ROBO2: variants seen among roughly 807,000 people sequenced by gnomAD.
ROBO2 encodes roundabout homolog 2.
Under a neutral mutation model 160.8 loss-of-function variants are expected in ROBO2, and 53 were observed. The ratio of observed to expected loss-of-function variants is 0.33; its 90% CI spans 0.26 to 0.41. The LOEUF (loss-of-function observed/expected upper bound fraction) is 0.41, where lower values mean the gene tolerates loss of function less well. Ranked by LOEUF, ROBO2 falls within the 10% of genes least tolerant of loss-of-function variation. The pLI, the probability that ROBO2 is intolerant of heterozygous loss-of-function variation, is 1.00. For missense variants in ROBO2, 1,577 were observed against 1,722.4 expected (o/e 0.92, Z 1.49); for synonymous variants, 664 against 611.7 (o/e 1.09, Z -1.26).
intron 2 of ROBO2, among the ~76,000 whole-genome samples, chr3:76,538,100 A>G (rs1358965395): frequency 6.6e-6 from 1 of 151,480 alleles, no homozygotes; most frequent in Non-Finnish European, 1.5e-5. Flanking sequence ...ATATGTGTGC[A>G]GGTCACAGGG....
chr3:77,479,903 C>T (rs1019798479), intron 3 of ROBO2, among the ~76,000 whole-genome samples: 4 of 152,070 alleles, frequency 2.6e-5, no homozygotes, highest in African/African-American at 9.7e-5. Flanking sequence ...AGTTCCAACT[C>T]AGCAAGAGAA....
At chr3:77,176,206 C>G (rs1205890873) in intron 2 of ROBO2, among the ~76,000 whole-genome samples, 1 of 151,598 alleles carries the variant, frequency 6.6e-6, no homozygotes, top group East Asian at 1.9e-4. Flanking sequence ...TACTTCAGAG[C>G]TAATTGAGAA....
Position 76,011,965 on chromosome 3 carries a change from C to T in ROBO2, c.109+74363C>T, listed in dbSNP as rs552893902. 2.8e-4 allele frequency among the ~76,000 whole-genome samples: 42 copies of T among 152,298 alleles called. No homozygotes were observed. The South Asian group carries it at 7.0e-3, about 26-fold the overall frequency. ...ATGCAATCACCTCACCAGTTCTCTT[C>T]TGAGGAAACAGTTTTAGACAGATTC... On this transcript the variant is annotated intron_variant, in intron 2 of 26. Transcript: ENST00000487694.
At chr3:77,636,879 A>C (rs1005691308) in intron 24 of ROBO2, among the ~76,000 whole-genome samples, 13 of 152,218 alleles carry the variant, frequency 8.5e-5, no homozygotes, top group African/African-American at 2.7e-4. Context: ...TTTTAATTTA[A>C]TTCTTATAAC....
At chr3:77,004,850 A>G (rs2061499807) in intron 2 of ROBO2, among the ~76,000 whole-genome samples, 1 of 152,124 alleles carries the variant, frequency 6.6e-6, no homozygotes, top group South Asian at 2.1e-4. Flanking sequence ...TGCAGTCCCC[A>G]TCTTAGACAT....
intron 2 of ROBO2, among the ~76,000 whole-genome samples, chr3:76,888,495 G>T (rs944523753): frequency 1.3e-5 from 2 of 152,096 alleles, no homozygotes; most frequent in East Asian, 1.9e-4. Context: ...TGCCCATATT[G>T]TACCCGTAAT....
chr3:76,260,187 G>A (rs1706655546), intron 2 of ROBO2, among the ~76,000 whole-genome samples: 1 of 152,126 alleles, frequency 6.6e-6, no homozygotes, highest in Admixed American at 6.6e-5. Context: ...GAATCCCAGT[G>A]CTGATATGCG....
chr3:76,380,716 C>T (rs970591620), intron 2 of ROBO2, among the ~76,000 whole-genome samples: 6 of 150,570 alleles, frequency 4.0e-5, no homozygotes, highest in East Asian at 1.9e-4. Context: ...GAAAGTCAAA[C>T]GTTATATGTG....
At chr3:75,913,837 TAGAC>T (rs912189906) in intron 1 of ROBO2, among the ~76,000 whole-genome samples, 3 of 152,212 alleles carry the variant, frequency 2.0e-5, no homozygotes, top group East Asian at 1.9e-4. Context: ...AAAGGGATGT[TAGAC>T]AGTAGTTCCA....
At chr3:76,822,518 A>G (rs902175216) in intron 2 of ROBO2, among the ~76,000 whole-genome samples, 20 of 152,022 alleles carry the variant, frequency 1.3e-4, no homozygotes, top group Admixed American at 1.1e-3. Flanking sequence ...ACATTTGTTG[A>G]TAATTTACTA....
rs76567291 is a variant in ROBO2 at position 77,383,943 on chromosome 3, T to C, written c.389-93471T>C. On this transcript the variant is annotated intron_variant, in intron 2 of 25. Transcript: ENST00000461745. The stretch of plus-strand genomic sequence containing the variant: ...GTATGTGTTTAAGGAGGGAAGAGAT[T>C]GTAGTTAGAATACTTAACTAAATGA... Among the ~76,000 whole-genome samples, 193 of 152,266 alleles carry C rather than the reference T, an allele frequency of 1.3e-3. 3 individuals carry two copies. The East Asian group carries it at 0.031, about 25-fold the overall frequency.
chr3:76,463,835 A>G (rs2078224618), intron 2 of ROBO2, among the ~76,000 whole-genome samples: 2 of 152,220 alleles, frequency 1.3e-5, no homozygotes, highest in Non-Finnish European at 2.9e-5. Flanking sequence ...CGAGCTCAAC[A>G]GAAAGTCTTT....
chr3:75,985,755 T>C (rs1054913526), intron 2 of ROBO2, among the ~76,000 whole-genome samples: 1 of 151,660 alleles, frequency 6.6e-6, no homozygotes, highest in Admixed American at 6.6e-5. Flanking sequence ...TTTTCGTCTG[T>C]GATTTTGACT....
rs527858738 is a variant in ROBO2, at chr3:76,219,039, C to T, written c.109+281437C>T. On this transcript the variant is annotated intron_variant, in intron 2 of 26. Transcript: ENST00000487694. ...CTACAACTATCTGGTCTTTGACAAA[C>T]TTGAGAAAAACAAGCAATGGGGAAA... is the stretch of plus-strand genomic sequence containing the variant. Among the ~76,000 whole-genome samples, 545 of 152,274 alleles carry T rather than the reference C, an allele frequency of 3.6e-3. 3 individuals are homozygous for T. Among genetic ancestry groups the T allele is most frequent in the Non-Finnish European group, 5.8e-3 (395 of 68,022 alleles).
intron 2 of ROBO2, among the ~76,000 whole-genome samples, chr3:76,208,817 A>G (rs1702965870): frequency 6.6e-6 from 1 of 152,032 alleles, no homozygotes; most frequent in Admixed American, 6.6e-5. Flanking sequence ...ACGGACATCT[A>G]CCTAGCTTCT....
chr3:76,453,191 T>G (rs1028762298), intron 2 of ROBO2, among the ~76,000 whole-genome samples: 1 of 152,174 alleles, frequency 6.6e-6, no homozygotes. Context: ...TAGATCCCAT[T>G]TGTCAATTTT....
At chr3:76,057,112 T>C (rs1319476284) in intron 2 of ROBO2, among the ~76,000 whole-genome samples, 1 of 152,172 alleles carries the variant, frequency 6.6e-6, no homozygotes, top group Non-Finnish European at 1.5e-5. Context: ...TCCCTTCCTG[T>C]GTGTGTAATA....
At chr3:77,066,838 C>T (rs1469591455) in intron 1 of ROBO2, among the ~76,000 whole-genome samples, 2 of 151,972 alleles carry the variant, frequency 1.3e-5, no homozygotes, top group Non-Finnish European at 2.9e-5. Context: ...CTATTTTCTC[C>T]AAAGAAAAGA....
chr3:76,132,514 G>A (rs369929800), intron 2 of ROBO2, among the ~76,000 whole-genome samples: 27 of 151,754 alleles, frequency 1.8e-4, no homozygotes, highest in East Asian at 1.2e-3. Flanking sequence ...TCAAGTTCCC[G>A]GATGCCACCG....
Sources: gnomAD v4.1 joint callset for allele counts (sites outside exome capture counted in the v4.1 genomes callset) on GRCh38, gnomAD v4.1.1 for gene constraint, MANE v1.5 for transcripts, NCBI Gene and HGNC (gene_info 2026-07-23, HGNC 2026-07-21) for gene names.